PLXDC1: variants seen among roughly 807,000 people sequenced by gnomAD.
PLXDC1 encodes plexin domain-containing protein 1.
A neutral mutation model predicts 61.3 loss-of-function variants in PLXDC1; 39 were observed. The observed-to-expected ratio is 0.64, with a 90% CI of 0.49 to 0.83. PLXDC1 has a LOEUF of 0.83. Ranked by LOEUF, PLXDC1 falls within the 40% of genes least tolerant of loss-of-function variation. The pLI is 0.00. For missense variants in PLXDC1, 596 were observed against 666.5 expected, an observed-to-expected ratio of 0.89 and a Z score of 1.17; for synonymous variants, 212 against 254.5, an observed-to-expected ratio of 0.83 and a Z score of 1.59.
At chr17:39,115,354 C>T (rs950949601) in intron 2 of PLXDC1, among the ~76,000 whole-genome samples, 4 of 152,232 alleles carry the variant, frequency 2.6e-5, no homozygotes, top group African/African-American at 9.6e-5. Flanking sequence ...CTCAGGCCAG[C>T]GAGGGTGAGG....
intron 2 of PLXDC1, among the ~76,000 whole-genome samples, chr17:39,133,815 G>A (rs537570251): frequency 3.7e-4 from 57 of 152,188 alleles, no homozygotes; most frequent in African/African-American, 1.4e-3. Flanking sequence ...TTGTGGAGAT[G>A]GGGGTGTCAC....
At chr17:39,102,651 G>A (rs1910460453) in intron 7 of PLXDC1, among the ~76,000 whole-genome samples, 1 of 151,938 alleles carries the variant, frequency 6.6e-6, no homozygotes, top group East Asian at 1.9e-4. Context: ...ACAGAACAGT[G>A]GGCAGGATGT....
intron 2 of PLXDC1, among the ~76,000 whole-genome samples, chr17:39,119,860 A>G (rs2076096078): frequency 6.6e-6 from 1 of 152,108 alleles, no homozygotes; most frequent in African/African-American, 2.4e-5. Flanking sequence ...ACTGTAAACT[A>G]AAAATAAAAT....
At chr17:39,139,146 C>T (rs1473645044) in intron 2 of PLXDC1, among the ~76,000 whole-genome samples, 1 of 152,192 alleles carries the variant, frequency 6.6e-6, no homozygotes, top group African/African-American at 2.4e-5. Flanking sequence ...CCAGAACTGC[C>T]CCAGGCCAAG....
Position 39,083,501 on chromosome 17 carries a change from G to A in PLXDC1, c.947C>T (p.Ser316Leu), listed in dbSNP as rs1349183822. ...CCAGCTGCAGTTGAAGGTCAGGTCT[G>A]AGGACATGCAGGCGTCACAGCTCCT... Reference protein sequence around the residue: ...QHRSCDACMSSDLTFNCSWCH... With the variant: ...QHRSCDACMSLDLTFNCSWCH... The change falls in exon 9 of 14, where the codon TCA becomes TTA. Residue 316 changes from serine to leucine, a missense_variant. Coordinates refer to ENST00000315392, the MANE Select transcript of PLXDC1 (RefSeq NM_020405.5). 1.2e-6 allele frequency: 2 copies of A among 1,613,896 alleles called. No individual in the cohort carries two copies. Among genetic ancestry groups the A allele is most frequent in the Admixed American group, 3.3e-5 (2 of 60,010 alleles).
intron 11 of PLXDC1, chr17:39,072,704 G>C (rs897186468): frequency 1.6e-5 from 9 of 575,716 alleles, no homozygotes; most frequent in Non-Finnish European, 2.8e-5. Flanking sequence ...GATGAGGCTG[G>C]GAGTGGAGGG....
chr17:39,127,106 C>T (rs1044306526), intron 2 of PLXDC1: 6 of 152,152 alleles, frequency 3.9e-5, no homozygotes, highest in Non-Finnish European at 7.3e-5. Context: ...CAGGTAAGAT[C>T]TGGGAGGGAT....
Position 39,107,523 on chromosome 17 carries a change from T to A in PLXDC1, c.595A>T (p.Thr199Ser), listed in dbSNP as rs1910637703. Residue 199 changes from threonine (T) to serine (S), a missense_variant and splice_region_variant, in exon 6 of 14, where the codon ACA becomes TCA. Thr to Ser is a moderately conservative substitution (Grantham distance 58). Transcript: ENST00000315392. Reference sequence around the variant, plus strand: ...TGGTCCCACTGAACCACAAAGACTGTCCCTGGGGAGAAGAACAGAGACCCG... The same window carrying A: ...TGGTCCCACTGAACCACAAAGACTGACCCTGGGGAGAAGAACAGAGACCCG... ...NSTVVYFDNG[T>S]VFVVQWDHVY... is the part of the protein sequence containing the mutation. 6.2e-7 allele frequency: 1 copy of A among 1,608,202 alleles called. No homozygotes were observed. The highest frequency in any genetic ancestry group is 8.5e-7 in the Non-Finnish European group (1 of 1,174,754).
chr17:39,079,357 C>A, intron 9 of PLXDC1, 193 bp from the exon 10 acceptor site: 1 of 615,362 alleles, frequency 1.6e-6, no homozygotes, highest in Admixed American at 2.1e-5. Context: ...CCTTCCTTCC[C>A]ACCCAGCTCC....
chr17:39,083,179 C>T (rs568747434), intron 9 of PLXDC1, among the ~76,000 whole-genome samples: 20 of 152,200 alleles, frequency 1.3e-4, no homozygotes, highest in Non-Finnish European at 2.1e-4. Context: ...AACTGGAGCC[C>T]AGGGTCTAAT....
intron 7 of PLXDC1, among the ~76,000 whole-genome samples, chr17:39,104,193 C>T (rs934241847): frequency 6.6e-6 from 1 of 152,206 alleles, no homozygotes; most frequent in African/African-American, 2.4e-5. Flanking sequence ...CATACACTAT[C>T]GCCTGCGTGT....
At chr17:39,088,186 A>T (rs1909814371) in intron 7 of PLXDC1, among the ~76,000 whole-genome samples, 2 of 152,032 alleles carry the variant, frequency 1.3e-5, no homozygotes, top group African/African-American at 4.8e-5. Flanking sequence ...GAGGCTGGGG[A>T]TGTGTGAGAC....
rs549273232 is a variant in PLXDC1, at chr17:39,133,986, A to G, written c.255+5668T>C. On this transcript the variant is annotated intron_variant, in intron 2 of 13. Transcript: ENST00000315392. ...ATACGGAGAAAAATAGGCCAGGTGCAGTGGCTCACGCCTGTAATCCCAGCA... is the reference window on the plus strand; with the variant it reads ...ATACGGAGAAAAATAGGCCAGGTGCGGTGGCTCACGCCTGTAATCCCAGCA... Among the ~76,000 whole-genome samples the G allele has an allele frequency of 2.6e-4, 39 of 150,360 alleles. 1 individual carries two copies. In the South Asian group the frequency reaches 7.0e-3, roughly 27 times the overall value.
intron 2 of PLXDC1, among the ~76,000 whole-genome samples, chr17:39,122,296 T>G (rs1911187543): frequency 7.1e-6 from 1 of 140,886 alleles, no homozygotes; most frequent in Non-Finnish European, 1.5e-5. Flanking sequence ...TCCCAGCTAC[T>G]CAGGAGGCTG....
intron 5 of PLXDC1, 179 bp downstream of exon 5, chr17:39,107,944 T>C (rs1056420929): frequency 5.7e-6 from 4 of 701,790 alleles, no homozygotes; most frequent in Non-Finnish European, 9.8e-6. Context: ...CAGATTCTTC[T>C]GGGTAGCAGG....
intron 2 of PLXDC1, among the ~76,000 whole-genome samples, chr17:39,128,734 GGT>G (rs1911434238): frequency 6.6e-6 from 1 of 152,028 alleles, no homozygotes; most frequent in Non-Finnish European, 1.5e-5. Context: ...ATACTCGCCG[GGT>G]GCAGTGGCTC....
chr17:39,104,275 T>C (rs1425278525), intron 7 of PLXDC1, among the ~76,000 whole-genome samples: 2 of 151,976 alleles, frequency 1.3e-5, no homozygotes, highest in Admixed American at 1.3e-4. Context: ...CGCAGAGAGG[T>C]TGAGTGACTC....
intron 1 of PLXDC1, 29 bp from the exon 2 acceptor site, chr17:39,139,861 C>A (rs373146212): frequency 7.2e-5 from 114 of 1,573,024 alleles, no homozygotes; most frequent in Admixed American, 1.9e-4. Flanking sequence ...AACCTGAGTG[C>A]CAGCAGTCCG....
At chr17:39,152,925 G>A, upstream of PLXDC1, 2 of 355,974 alleles carry the variant, frequency 5.6e-6, no homozygotes, top group Non-Finnish European at 5.0e-6. Context: ...TCCCCTTACC[G>A]TGGAACAAGG....
Sources: gnomAD v4.1 joint callset for allele counts (sites outside exome capture counted in the v4.1 genomes callset) on GRCh38, gnomAD v4.1.1 for gene constraint, MANE v1.5 for transcripts, NCBI Gene and HGNC (gene_info 2026-07-23, HGNC 2026-07-21) for gene names.